Variants in EPHA5 observed in about 807,000 individuals in gnomAD.
EPHA5 encodes the protein ephrin type-A receptor 5.
EPHA5 carries 60 observed loss-of-function variants against 105.0 expected under a neutral mutation model. The observed-to-expected ratio is 0.57, with a 90% CI of 0.46 to 0.71. The LOEUF is 0.71. EPHA5 is among the 30% of genes least tolerant of loss of function. The pLI, the probability that EPHA5 is intolerant of heterozygous loss-of-function variation, is 0.00. For synonymous variants in EPHA5, 513 were observed against 449.1 expected (o/e 1.14, Z -1.80); for missense variants, 1,218 against 1,274.7 (o/e 0.96, Z 0.68).
chr4:65,424,523 C>A (rs572835738), intron 5 of EPHA5, among the ~76,000 whole-genome samples: 6 of 151,978 alleles, frequency 3.9e-5, no homozygotes, highest in Non-Finnish European at 7.4e-5. Flanking sequence ...ATGTCAGGTA[C>A]AGGGTGGGTG....
chr4:65,631,876 T>A (rs1458464582), intron 2 of EPHA5, among the ~76,000 whole-genome samples: 1 of 152,070 alleles, frequency 6.6e-6, no homozygotes, highest in East Asian at 1.9e-4. Flanking sequence ...TAATTTATAT[T>A]GATTTTAAAT....
intron 3 of EPHA5, among the ~76,000 whole-genome samples, chr4:65,505,186 G>C (rs1362954247): frequency 6.6e-6 from 1 of 151,958 alleles, no homozygotes; most frequent in African/African-American, 2.4e-5. Context: ...CACACTAAAA[G>C]ACTAGGAAAA....
At chr4:65,441,358 C>T (rs758538759) in intron 5 of EPHA5, among the ~76,000 whole-genome samples, 10 of 151,850 alleles carry the variant, frequency 6.6e-5, no homozygotes, top group Non-Finnish European at 1.0e-4. Context: ...GTGAGAAAAA[C>T]AGTATTTCCA....
chr4:65,518,173 G>T (rs1251987276), intron 3 of EPHA5, among the ~76,000 whole-genome samples: 2 of 151,516 alleles, frequency 1.3e-5, no homozygotes, highest in Non-Finnish European at 2.9e-5. Flanking sequence ...TGACTTTTTT[G>T]GTCATGATAT....
intron 11 of EPHA5, among the ~76,000 whole-genome samples, chr4:65,354,070 G>C (rs911027589): frequency 6.6e-6 from 1 of 151,644 alleles, no homozygotes; most frequent in Non-Finnish European, 1.5e-5. Context: ...TCTTATCTCT[G>C]TGCCTCAGTT....
At chr4:65,371,688 T>G (rs73822124) in intron 8 of EPHA5, among the ~76,000 whole-genome samples, 1,670 of 152,086 alleles carry the variant, frequency 0.011, 34 homozygotes, top group African/African-American at 0.038. Flanking sequence ...TTGTGACCAA[T>G]GAGGAAAGGT....
At chr4:65,461,277 T>G (rs1728097140) in intron 5 of EPHA5, among the ~76,000 whole-genome samples, 2 of 152,068 alleles carry the variant, frequency 1.3e-5, no homozygotes, top group South Asian at 2.1e-4. Context: ...GATTTAATAT[T>G]ATGTTTCCAT....
intron 3 of EPHA5, among the ~76,000 whole-genome samples, chr4:65,498,783 A>G (rs1360861454): frequency 1.3e-5 from 2 of 151,694 alleles, no homozygotes; most frequent in African/African-American, 4.8e-5. Flanking sequence ...ATTTAATTTG[A>G]GGTGGTTGAA....
At chr4:65,511,626 A>G (rs1733637173) in intron 3 of EPHA5, among the ~76,000 whole-genome samples, 1 of 152,200 alleles carries the variant, frequency 6.6e-6, no homozygotes, top group Non-Finnish European at 1.5e-5. Flanking sequence ...CAATTCTATA[A>G]AACTTATAAT....
chr4:65,509,854 C>T (rs768818298), intron 3 of EPHA5, among the ~76,000 whole-genome samples: 54 of 152,056 alleles, frequency 3.6e-4, no homozygotes, highest in Non-Finnish European at 6.3e-4. Context: ...TAGTAAATTT[C>T]GATTTTATAA....
intron 3 of EPHA5, among the ~76,000 whole-genome samples, chr4:65,539,127 A>C (rs1736575081): frequency 6.6e-6 from 1 of 151,616 alleles, no homozygotes; most frequent in Admixed American, 6.6e-5. Context: ...AAATAAGCCA[A>C]CTGTAGGTGG....
intron 3 of EPHA5, among the ~76,000 whole-genome samples, chr4:65,530,999 T>C (rs200904452): frequency 9.8e-6 from 1 of 101,738 alleles, no homozygotes; most frequent in East Asian, 2.4e-4. Flanking sequence ...TGGATGGATT[T>C]TTTTTTATTT....
chr4:65,397,522 C>CCCATA (rs1721359744), intron 8 of EPHA5, among the ~76,000 whole-genome samples: 2 of 152,278 alleles, frequency 1.3e-5, no homozygotes, highest in African/African-American at 4.8e-5. Flanking sequence ...TTTAACTGCC[C>CCCATA]CCATACAAGA....
intron 13 of EPHA5, among the ~76,000 whole-genome samples, chr4:65,348,667 T>G (rs1422857627): frequency 6.7e-4 from 9 of 13,362 alleles, no homozygotes; most frequent in Non-Finnish European, 1.4e-3. Context: ...GAGATATATA[T>G]ATATATATAT....
chr4:65,547,326 A>G, intron 3 of EPHA5, among the ~76,000 whole-genome samples: 1 of 151,826 alleles, frequency 6.6e-6, no homozygotes, highest in Non-Finnish European at 1.5e-5. Context: ...AGAAACCAGA[A>G]TGACTTTACT....
intron 8 of EPHA5, among the ~76,000 whole-genome samples, chr4:65,395,552 A>T (rs1289033895): frequency 6.6e-6 from 1 of 152,212 alleles, no homozygotes; most frequent in Non-Finnish European, 1.5e-5. Context: ...ACATGGTCTG[A>T]TGATCATAAT....
chr4:65,562,191 C>T lies in EPHA5; in HGVS notation c.910+39450G>A, dbSNP rs551596440. 5.9e-5 allele frequency among the ~76,000 whole-genome samples: 9 copies of T among 152,108 alleles called. No individual in the cohort carries two copies. In the South Asian group the frequency reaches 6.2e-4, roughly 11 times the overall value. On this transcript the variant is annotated intron_variant, in intron 3 of 16. Coordinates refer to ENST00000613740, the MANE Select transcript of EPHA5 (RefSeq NM_001281766.3). ...ACACAATCGGGTGGCATTTCTCAAC[C>T]GCAATCCAAGTAAACTTGAAGATCC... is the stretch of plus-strand genomic sequence containing the variant.
rs1451184 is a variant in EPHA5, at chr4:65,322,954, G to C, written c.*1160C>G. ...GATTAACACTTAAGGGTGATGCTTC[G>C]TGCTATGTGCCTGGATTTAACAACA... On this transcript the variant is annotated 3_prime_UTR_variant, in exon 17 of 17. Coordinates refer to ENST00000613740, the MANE Select transcript of EPHA5 (RefSeq NM_001281766.3). 39,063 of 228,548 alleles carry C rather than the reference G, an allele frequency of 0.17. 3,696 individuals carry two copies. The highest frequency in any genetic ancestry group is 0.34 in the East Asian group (5,532 of 16,142). The allele number at this position is 228,548 out of a possible 1,614,324, so 14.2% of individuals were successfully genotyped here. A position where few individuals can be genotyped will look rare whatever the true frequency, so the allele number is the denominator to read the frequency against.
chr4:65,389,751 G>A (rs1431507435), intron 8 of EPHA5, among the ~76,000 whole-genome samples: 1 of 152,036 alleles, frequency 6.6e-6, no homozygotes, highest in Non-Finnish European at 1.5e-5. Flanking sequence ...ACTATTGGAG[G>A]TAGGCAAGAG....
Sources: allele counts gnomAD v4.1 joint callset (sites outside exome capture counted in the v4.1 genomes callset), GRCh38; gene constraint gnomAD v4.1.1; transcripts MANE v1.5; gene names NCBI Gene and HGNC (gene_info 2026-07-23, HGNC 2026-07-21).